The following GLT1D1 variants were observed in gnomAD, a reference collection of about 807,000 sequenced individuals.
GLT1D1 encodes glycosyltransferase 1 domain-containing protein 1.
A neutral mutation model predicts 28.7 loss-of-function variants in GLT1D1; 21 were observed. The observed-to-expected ratio is 0.73, with a 90% CI of 0.52 to 1.05. GLT1D1 has a LOEUF of 1.05. Among genes scored for constraint, GLT1D1 ranks in the 50% least tolerant of loss-of-function variants. The pLI, the probability that GLT1D1 is intolerant of heterozygous loss-of-function variation, is 0.00. For synonymous variants in GLT1D1, 147 were observed against 124.8 expected (o/e 1.18, Z -1.19); for missense variants, 343 against 330.6 (o/e 1.04, Z -0.29).
intron 3 of GLT1D1, among the ~76,000 whole-genome samples, chr12:128,895,784 A>G (rs529256761): frequency 5.2e-4 from 79 of 152,220 alleles, no homozygotes; most frequent in African/African-American, 1.9e-3. Context: ...AAACCTGGAA[A>G]CTGGTGAGAT....
At chr12:128,870,071 C>T (rs1480925851) in intron 1 of GLT1D1, among the ~76,000 whole-genome samples, 4 of 151,680 alleles carry the variant, frequency 2.6e-5, no homozygotes, top group Non-Finnish European at 5.9e-5. Flanking sequence ...CCACCATACC[C>T]AGCTACTTTT....
chr12:128,950,978 A>G (rs1876634030), intron 6 of GLT1D1, among the ~76,000 whole-genome samples: 3 of 152,244 alleles, frequency 2.0e-5, no homozygotes, highest in South Asian at 2.1e-4. Context: ...TGGCGACTAC[A>G]GTTAATAACG....
chr12:128,943,437 G>A (rs764141977), intron 4 of GLT1D1, among the ~76,000 whole-genome samples: 10 of 151,468 alleles, frequency 6.6e-5, no homozygotes, highest in African/African-American at 9.7e-5. Context: ...AAGAGGAACC[G>A]GCAAGTAGAT....
intron 4 of GLT1D1, 84 bp downstream of exon 8, chr12:128,927,238 T>A: frequency 9.4e-7 from 1 of 1,065,604 alleles, no homozygotes; most frequent in Admixed American, 2.0e-5. Context: ...CAGTTTACAT[T>A]GCTCTTCTTT....
At chr12:128,863,882 C>T (rs1379332027) in intron 1 of GLT1D1, among the ~76,000 whole-genome samples, 2 of 140,514 alleles carry the variant, frequency 1.4e-5, no homozygotes, top group Non-Finnish European at 1.5e-5. Context: ...GGAGGTGGAA[C>T]TTGCAGTGAG....
At chr12:128,943,636 T>C (rs1232753633) in intron 4 of GLT1D1, among the ~76,000 whole-genome samples, 1 of 152,256 alleles carries the variant, frequency 6.6e-6, no homozygotes, top group Non-Finnish European at 1.5e-5. Context: ...TATTTTTCTA[T>C]ATGCGAATGG....
chr12:128,932,573 A>C (rs1489307112), intron 4 of GLT1D1, among the ~76,000 whole-genome samples: 1 of 152,194 alleles, frequency 6.6e-6, no homozygotes, highest in African/African-American at 2.4e-5. Context: ...AAGCAGCCCT[A>C]GGCAATGGAA....
chr12:128,876,570 C>A (rs943212596), intron 2 of GLT1D1, among the ~76,000 whole-genome samples: 24 of 152,152 alleles, frequency 1.6e-4, no homozygotes, highest in Non-Finnish European at 4.4e-5. Context: ...TCCTCCTCAG[C>A]CTCCCAAAGT....
intron 4 of GLT1D1, among the ~76,000 whole-genome samples, chr12:128,903,716 TG>T (rs1351147932): frequency 1.3e-5 from 2 of 151,576 alleles, no homozygotes; most frequent in African/African-American, 2.4e-5. Context: ...TAGAACCTTT[TG>T]GTTTTTTTAA....
chr12:128,924,157 T>A (rs1047015521), intron 4 of GLT1D1, among the ~76,000 whole-genome samples: 6 of 152,070 alleles, frequency 3.9e-5, no homozygotes, highest in Non-Finnish European at 8.8e-5. Flanking sequence ...CCTGGAGCAC[T>A]GGCTCATGCC....
chr12:128,974,651 C>T (rs939574074), intron 7 of GLT1D1, among the ~76,000 whole-genome samples: 2 of 152,190 alleles, frequency 1.3e-5, no homozygotes, highest in Non-Finnish European at 2.9e-5. Context: ...GTTTGTCCTG[C>T]GTCACGGGAC....
rs907711115 is a variant in GLT1D1, at chr12:128,944,582, GT to G, written c.376-742del. On this transcript the variant is annotated intron_variant, in intron 4 of 7. Transcript: ENST00000281703. ...AGATGAATCCAGTGAGCAGTAAGGC[GT>G]TGTTTAATGACCTCAAAGGACATAT... is the stretch of plus-strand genomic sequence containing the variant. The G allele has an allele frequency of 2.5e-5, 19 of 746,946 alleles. No individual in the cohort carries two copies. The African/African-American group carries it at 2.8e-4, about 11-fold the overall frequency. 46.3% of individuals were successfully genotyped at this position (746,946 alleles called of 1,614,324 possible).
chr12:128,887,085 C>A (rs1340554166), intron 2 of GLT1D1, among the ~76,000 whole-genome samples: 2 of 151,578 alleles, frequency 1.3e-5, no homozygotes, highest in Admixed American at 6.6e-5. Context: ...GATCTCAGCT[C>A]ACTCCAACCT....
chr12:128,899,259 C>T lies in GLT1D1; in HGVS notation c.347C>T (p.Ser116Leu). Reference sequence around the variant, plus strand: ...AGATTTGCTGTCGCTTTCACAGAGTCAATGAAGGAAATGGCACAAGCGCAG... The same window carrying T: ...AGATTTGCTGTCGCTTTCACAGAGTTAATGAAGGAAATGGCACAAGCGCAG... Residue 116 changes from serine (S) to leucine (L), a missense_variant, in exon 4 of 8, where the codon TCA becomes TTA. Transcript: ENST00000281703. The T allele has an allele frequency of 6.2e-7, 1 of 1,613,370 alleles. No individual in the cohort carries two copies. The highest frequency in any genetic ancestry group is 2.2e-5 in the East Asian group (1 of 44,878).
intron 4 of GLT1D1, 121 bp from the exon 6 acceptor site, chr12:128,914,810 ACT>A (rs1262603703): frequency 5.6e-6 from 4 of 710,932 alleles, no homozygotes; most frequent in African/African-American, 5.4e-5. Flanking sequence ...ACAGAGCGAG[ACT>A]CTGTCTCAAA....
chr12:128,925,749 G>C (rs74849355), intron 4 of GLT1D1, among the ~76,000 whole-genome samples: 1 of 152,194 alleles, frequency 6.6e-6, no homozygotes, highest in East Asian at 1.9e-4. Context: ...TTTCTAGAAC[G>C]TCTGGCTCCT....
intron 4 of GLT1D1, among the ~76,000 whole-genome samples, chr12:128,910,308 C>T (rs1156328459): frequency 7.4e-6 from 1 of 134,906 alleles, no homozygotes; most frequent in East Asian, 2.2e-4. Flanking sequence ...AGTTTCTTGA[C>T]AGGAACATTT....
In GLT1D1 at chr12:128,898,991, C is replaced by T. The variant is rs78485514; in HGVS notation, c.324-245C>T. Among the ~76,000 whole-genome samples the T allele has an allele frequency of 4.1e-3, 630 of 152,248 alleles. 1 individual carries two copies. Among genetic ancestry groups the T allele is most frequent in the Non-Finnish European group, 5.6e-3 (380 of 68,022 alleles). ...TTTTATCCCTGCCTCTCTGAACTTGCGTGGAAGGAAGAGAAAAAATAGGAG... is the reference window on the plus strand; with the variant it reads ...TTTTATCCCTGCCTCTCTGAACTTGTGTGGAAGGAAGAGAAAAAATAGGAG... On this transcript the variant is annotated intron_variant, in intron 3 of 7. Transcript: ENST00000281703.
intron 4 of GLT1D1, among the ~76,000 whole-genome samples, chr12:128,932,379 T>C (rs1874014265): frequency 6.6e-6 from 1 of 152,044 alleles, no homozygotes; most frequent in African/African-American, 2.4e-5. Flanking sequence ...GTTAGTTGGC[T>C]TGGGTGGAGC....
Sources: allele counts gnomAD v4.1 joint callset (sites outside exome capture counted in the v4.1 genomes callset), GRCh38; gene constraint gnomAD v4.1.1; transcripts MANE v1.5; gene names NCBI Gene and HGNC (gene_info 2026-07-23, HGNC 2026-07-21).